Variants in TRPV3 observed in about 807,000 individuals in gnomAD.
TRPV3 encodes transient receptor potential cation channel subfamily V member 3, also known as VRL-3.
Under a neutral mutation model 87.1 loss-of-function variants are expected in TRPV3, and 88 were observed. The observed-to-expected ratio is 1.01, with a 90% CI of 0.85 to 1.21. TRPV3 has a LOEUF of 1.21. Ranked by LOEUF, TRPV3 falls within the 50% of genes most tolerant of loss-of-function variation. The pLI, the probability that TRPV3 is intolerant of heterozygous loss-of-function variation, is 0.00. For missense variants in TRPV3, 1,054 were observed against 1,030.1 expected (o/e 1.02, Z -0.32); for synonymous variants, 438 against 423.3 (o/e 1.03, Z -0.43).
At position 3,554,795 on chromosome 17, in the gene TRPV3, G is replaced by C. The variant is rs759581614; in HGVS notation, c.56C>G (p.Pro19Arg). ...TGGCAGGATGGCAGGGTTCCCACTG[G>C]GGGCAGCAACTCTCTTGCCCATGAG... is the stretch of plus-strand genomic sequence containing the variant. ...VPLMGKRVAA[P>R]SGNPAILPEK... Residue 19 changes from proline (P) to arginine (R), a missense_variant, in exon 2 of 18, where the codon CCC (proline) becomes CGC (arginine). Pro to Arg is a moderately radical substitution (Grantham distance 103). Coordinates refer to ENST00000576742, the MANE Select transcript of TRPV3 (RefSeq NM_145068.4). 6.2e-7 allele frequency: 1 copy of C among 1,612,796 alleles called. No individual in the cohort carries two copies. The highest frequency in any genetic ancestry group is 1.1e-5 in the South Asian group (1 of 90,770).
chr17:3,536,074 A>C (rs1279042220), intron 6 of TRPV3, among the ~76,000 whole-genome samples: 1 of 152,202 alleles, frequency 6.6e-6, no homozygotes, highest in Non-Finnish European at 1.5e-5. Flanking sequence ...TCACAGCCAG[A>C]GAGCGTCAGG....
At chr17:3,538,811 C>G (rs1328989889) in intron 6 of TRPV3, among the ~76,000 whole-genome samples, 1 of 152,210 alleles carries the variant, frequency 6.6e-6, no homozygotes, top group Admixed American at 6.5e-5. Flanking sequence ...TCTGGAACTC[C>G]TGACCTCAAG....
In TRPV3 at chr17:3,510,831, G is replaced by A. The variant is rs2074103330; in HGVS notation, c.*3086C>T. ...CACAGGTCACCAGGCCTTGAGGAAG[G>A]ACAGGAATGTCAATAATAAAGGGCT... On this transcript the variant is annotated 3_prime_UTR_variant, in exon 18 of 18. Transcript: ENST00000576742. 6.6e-6 allele frequency: 1 copy of A among 152,268 alleles called. No homozygotes were observed. The highest frequency in any genetic ancestry group is 6.5e-5 in the Admixed American group (1 of 15,282). 9.4% of individuals were successfully genotyped at this position (152,268 alleles called of 1,614,324 possible). A position where few individuals can be genotyped will look rare whatever the true frequency, so the allele number is the denominator to read the frequency against.
Position 3,535,640 on chromosome 17 carries a change from G to A in TRPV3, c.717C>T (p.Ala239=), listed in dbSNP as rs780366959. 2.5e-6 allele frequency: 4 copies of A among 1,608,148 alleles called. No individual in the cohort carries two copies. The highest frequency in any genetic ancestry group is 1.1e-5 in the South Asian group (1 of 90,472). The change falls in exon 7 of 18, where the codon GCC becomes GCT. Residue 239 remains alanine, a synonymous_variant. Transcript: ENST00000576742. ...DIAALLIAAG[A]DVNAHAKGAF... ...CCCCCTTGGCGTGCGCGTTGACGTCGGCGCCGGCGGCGATGAGCAGGGCTG... is the reference window on the plus strand; with the variant it reads ...CCCCCTTGGCGTGCGCGTTGACGTCAGCGCCGGCGGCGATGAGCAGGGCTG...
At chr17:3,545,561 C>T (rs2074515942) in intron 2 of TRPV3, among the ~76,000 whole-genome samples, 1 of 152,030 alleles carries the variant, frequency 6.6e-6, no homozygotes, top group Admixed American at 6.5e-5. Flanking sequence ...AGGTTGAGGA[C>T]ACACCCGGGA....
In TRPV3 at chr17:3,529,125, G is replaced by C. The variant is rs573666326; in HGVS notation, c.1243-130C>G. On this transcript the variant is annotated intron_variant, in intron 9 of 17. Coordinates refer to ENST00000576742, the MANE Select transcript of TRPV3 (RefSeq NM_145068.4). ...ATCATTATGCCCGATGGACTGGTCTGGTTGGAAATGCTGGGAGGGTGATTT... is the reference window on the plus strand; with the variant it reads ...ATCATTATGCCCGATGGACTGGTCTCGTTGGAAATGCTGGGAGGGTGATTT... 348 of 1,085,114 alleles carry C rather than the reference G, an allele frequency of 3.2e-4. 2 individuals carry two copies. Among genetic ancestry groups the C allele is most frequent in the Non-Finnish European group, 2.3e-4 (167 of 740,282 alleles). 67.2% of individuals were successfully genotyped at this position (1,085,114 alleles called of 1,614,324 possible).
At chr17:3,538,058 C>T (rs926636451) in intron 6 of TRPV3, among the ~76,000 whole-genome samples, 7 of 151,096 alleles carry the variant, frequency 4.6e-5, no homozygotes, top group Non-Finnish European at 1.0e-4. Flanking sequence ...ATTAGGCGGG[C>T]GTGATGGTGA....
chr17:3,535,234 C>CCCTCCCCCCCCCTCCTTCCTCCT (rs2074392287), intron 7 of TRPV3, among the ~76,000 whole-genome samples: 1 of 46,106 alleles, frequency 2.2e-5, no homozygotes, highest in Non-Finnish European at 5.0e-5. Flanking sequence ...CCTCCCTCCT[C>CCCTCCCCCCCCCTCCTTCCTCCT]CCTCCCTCCC....
intron 2 of TRPV3, among the ~76,000 whole-genome samples, chr17:3,548,252 G>GGGA (rs1567645048): frequency 6.6e-6 from 1 of 152,206 alleles, no homozygotes; most frequent in Non-Finnish European, 1.5e-5. Context: ...ACATTCAGGA[G>GGGA]GGAGGGTAGC....
intron 2 of TRPV3, among the ~76,000 whole-genome samples, chr17:3,551,476 G>C (rs1425777936): frequency 6.6e-6 from 1 of 152,210 alleles, no homozygotes; most frequent in African/African-American, 2.4e-5. Flanking sequence ...AGCTGGGTGT[G>C]GTTGACCCAG....
chr17:3,535,909 C>G (rs1180934706), intron 6 of TRPV3, among the ~76,000 whole-genome samples, 196 bp from the exon 7 acceptor site: 1 of 152,212 alleles, frequency 6.6e-6, no homozygotes, highest in Non-Finnish European at 1.5e-5. Flanking sequence ...GTTTGTGGAG[C>G]GCCTGCTCCG....
Position 3,532,759 on chromosome 17 carries a change from G to C in TRPV3, c.963C>G (p.Tyr321Ter). 6.2e-7 allele frequency: 1 copy of C among 1,614,260 alleles called. No homozygotes were observed. Among genetic ancestry groups the C allele is most frequent in the Middle Eastern group, 1.6e-4 (1 of 6,062 alleles). ...TGCCACTCCGCAGTAGGATCATGTCGTACATGCGCTTCACAAAGTCATTCT... is the reference window on the plus strand; with the variant it reads ...TGCCACTCCGCAGTAGGATCATGTCCTACATGCGCTTCACAAAGTCATTCT... The part of the protein sequence containing the change: ...KTQNDFVKRM[Y>*]DMILLRSGNW... The change falls in exon 8 of 18, where the codon TAC becomes TAG. Residue 321 changes from tyrosine to a stop codon, truncating the protein, a stop_gained. Transcript: ENST00000576742. LOFTEE classifies it high-confidence loss of function.
rs1429058900 is a variant in TRPV3 at position 3,510,879 on chromosome 17, G to C, written c.*3038C>G. ...GCTCTCTCAGGCTGGAGCCTTCTAA[G>C]AGCCTGAAGACTTCACAGTACAACC... On this transcript the variant is annotated 3_prime_UTR_variant, in exon 18 of 18. Coordinates refer to ENST00000576742, the MANE Select transcript of TRPV3 (RefSeq NM_145068.4). 6.6e-6 allele frequency: 1 copy of C among 152,280 alleles called. No individual in the cohort carries two copies. Among genetic ancestry groups the C allele is most frequent in the East Asian group, 1.9e-4 (1 of 5,202 alleles). 9.4% of individuals were successfully genotyped at this position (152,280 alleles called of 1,614,324 possible).
chr17:3,535,842 AC>A, intron 6 of TRPV3, 129 bp from the exon 7 acceptor site: 1 of 1,133,234 alleles, frequency 8.8e-7, no homozygotes, highest in Non-Finnish European at 1.2e-6. Flanking sequence ...GTCGCCAGCT[AC>A]CAGGAATCCC....
rs73316910 is a variant in TRPV3, at chr17:3,528,261, G to A, written c.1402-135C>T. On this transcript the variant is annotated intron_variant, in intron 10 of 17. Transcript: ENST00000576742. This position sits in a 1 kb window ranked among gnomAD's most constrained non-coding sequence, Gnocchi z 4.2. The stretch of plus-strand genomic sequence containing the variant: ...CAGCATGAAACCTGATCTCTGTACA[G>A]GGCAAGAGAAGGAAGAGCAGCTCCC... The A allele has an allele frequency of 4.2e-4, 267 of 637,804 alleles. 1 individual carries two copies. Among genetic ancestry groups the A allele is most frequent in the African/African-American group, 3.3e-3 (177 of 54,288 alleles). 39.5% of individuals were successfully genotyped at this position (637,804 alleles called of 1,614,324 possible).
intron 6 of TRPV3, among the ~76,000 whole-genome samples, chr17:3,541,351 G>A (rs1415013072): frequency 4.6e-5 from 7 of 152,172 alleles, no homozygotes; most frequent in Non-Finnish European, 7.4e-5. Context: ...CTAGGCAACA[G>A]AGCGAGACTC....
rs1597487597 is a variant in TRPV3, at chr17:3,543,521, A to G, written c.419T>C (p.Val140Ala). 6.2e-7 allele frequency: 1 copy of G among 1,614,006 alleles called. No homozygotes were observed. Among genetic ancestry groups the G allele is most frequent in the Middle Eastern group, 1.6e-4 (1 of 6,062 alleles). The stretch of plus-strand genomic sequence containing the variant: ...CCGCCTGCAAAGCTCCTGCAGCTCC[A>G]CCAGCAACTCTACCAACTCCTCCAC... ...GCVEELVELL[V>A]ELQELCRRRH... The change falls in exon 5 of 18, where the codon GTG (valine) becomes GCG (alanine). Residue 140 changes from valine (V) to alanine (A), a missense_variant. Transcript: ENST00000576742.
At chr17:3,525,072 T>G (rs537770222) in intron 12 of TRPV3, among the ~76,000 whole-genome samples, 4 of 152,106 alleles carry the variant, frequency 2.6e-5, no homozygotes, top group Non-Finnish European at 5.9e-5. Flanking sequence ...TAGGCTGGAG[T>G]ACAGTGGCAT....
intron 9 of TRPV3, 149 bp from the exon 10 acceptor site, chr17:3,529,144 G>T: frequency 1.1e-6 from 1 of 940,752 alleles, no homozygotes; most frequent in Non-Finnish European, 1.6e-6. Flanking sequence ...TGCTGGGAGG[G>T]TGATTTCCGG....
Sources: allele counts gnomAD v4.1 joint callset (sites outside exome capture counted in the v4.1 genomes callset), GRCh38; gene constraint gnomAD v4.1.1; non-coding constraint Gnocchi (gnomAD v3.1); transcripts MANE v1.5; gene names NCBI Gene and HGNC (gene_info 2026-07-23, HGNC 2026-07-21).